Variants in ALDH1A2 observed in about 807,000 individuals in gnomAD.
ALDH1A2 encodes retinal dehydrogenase 2.
A neutral mutation model predicts 60.3 loss-of-function variants in ALDH1A2; 27 were observed. The observed-to-expected ratio is 0.45, with a 90% confidence interval of 0.33 to 0.62. The LOEUF (loss-of-function observed/expected upper bound fraction) is 0.62. Ranked by LOEUF, ALDH1A2 falls within the 20% of genes least tolerant of loss-of-function variation. The pLI is 0.02. For synonymous variants in ALDH1A2, 289 were observed against 232.4 expected (o/e 1.24, Z -2.21); for missense variants, 581 against 643.8 (o/e 0.90, Z 1.06).
At chr15:58,010,571 G>A (rs1347965936) in intron 4 of ALDH1A2, 78 bp downstream of exon 4, 2 of 1,576,616 alleles carry the variant, frequency 1.3e-6, no homozygotes, top group South Asian at 1.1e-5. Flanking sequence ...CTGTGTGACT[G>A]CTGTTTGTGT....
At chr15:58,058,550 T>C (rs202135358) in intron 1 of ALDH1A2, among the ~76,000 whole-genome samples, 1 of 150,036 alleles carries the variant, frequency 6.7e-6, no homozygotes, top group Admixed American at 6.6e-5. Flanking sequence ...TAATGTAAAA[T>C]AAAATATATT....
intron 9 of ALDH1A2, among the ~76,000 whole-genome samples, chr15:57,962,623 T>C (rs1313177215): frequency 2.6e-5 from 4 of 152,194 alleles, no homozygotes; most frequent in African/African-American, 9.7e-5. Context: ...GGTTTGTTTT[T>C]AAAGGAATTC....
At chr15:57,967,301 T>G (rs1483521256) in intron 7 of ALDH1A2, among the ~76,000 whole-genome samples, 1 of 152,152 alleles carries the variant, frequency 6.6e-6, no homozygotes, top group Non-Finnish European at 1.5e-5. Context: ...CAGAATTATA[T>G]TTTGAGGATT....
chr15:57,971,843 C>T (rs1171200701), intron 7 of ALDH1A2, among the ~76,000 whole-genome samples: 3 of 152,198 alleles, frequency 2.0e-5, no homozygotes, highest in Non-Finnish European at 2.9e-5. Flanking sequence ...CGCCATTCAG[C>T]CCCTTGAATA....
intron 7 of ALDH1A2, among the ~76,000 whole-genome samples, chr15:57,972,078 CATT>C (rs1894088005): frequency 6.6e-6 from 1 of 152,082 alleles, no homozygotes; most frequent in African/African-American, 2.4e-5. Context: ...TTTTCACAAA[CATT>C]ATTTTATTTA....
At chr15:58,020,795 G>A (rs1389356685) in intron 1 of ALDH1A2, among the ~76,000 whole-genome samples, 1 of 152,076 alleles carries the variant, frequency 6.6e-6, no homozygotes, top group African/African-American at 2.4e-5. Context: ...GGATCATCTT[G>A]ATTGTCATTA....
At chr15:58,022,722 T>G (rs1895964664) in intron 1 of ALDH1A2, among the ~76,000 whole-genome samples, 1 of 152,102 alleles carries the variant, frequency 6.6e-6, no homozygotes, top group African/African-American at 2.4e-5. Flanking sequence ...CACTATAACT[T>G]ACCAAGGAAA....
chr15:58,045,067 C>T (rs1337838943), intron 1 of ALDH1A2, among the ~76,000 whole-genome samples: 1 of 151,882 alleles, frequency 6.6e-6, no homozygotes, highest in Non-Finnish European at 1.5e-5. Flanking sequence ...ACAAACAACC[C>T]CATTAAAAAG....
chr15:57,989,999 CAAAAAA>C (rs1229267241), intron 7 of ALDH1A2, among the ~76,000 whole-genome samples: 2 of 25,432 alleles, frequency 7.9e-5, no homozygotes, highest in African/African-American at 1.2e-4. Flanking sequence ...GACTCCGTCT[CAAAAAA>C]AAAAAAAAAA....
Position 57,996,503 on chromosome 15 carries a change from C to CTT in ALDH1A2, c.494-1366_494-1365dup, listed in dbSNP as rs76510714. 2.7e-3 allele frequency among the ~76,000 whole-genome samples: 384 copies of CTT among 139,658 alleles called. 4 individuals carry two copies. The South Asian group carries it at 0.028, about 10-fold the overall frequency. 91.6% of individuals were successfully genotyped at this position (139,658 alleles called of 152,430 possible). A position where few individuals can be genotyped will look rare whatever the true frequency, so the allele number is the denominator to read the frequency against. The stretch of plus-strand genomic sequence containing the variant: ...AGTCTTTTATATTTTGTTTTTCCCT[C>CTT]TTTTTTTTTTTTTTCCTGTAAAGCT... On this transcript the variant is annotated intron_variant, in intron 4 of 12. Transcript: ENST00000249750.
At position 57,993,331 on chromosome 15, in the gene ALDH1A2, T is replaced by C. The variant is rs907225591; in HGVS notation, c.556-258A>G. On this transcript the variant is annotated intron_variant, in intron 5 of 12. Coordinates refer to ENST00000249750, the MANE Select transcript of ALDH1A2 (RefSeq NM_003888.4). Reference sequence around the variant, plus strand: ...AAGAAATCCCACTGTGAAAAGGGAGTTTTGTTACTTCTTTGTTTTGTTTTG... The same window carrying C: ...AAGAAATCCCACTGTGAAAAGGGAGCTTTGTTACTTCTTTGTTTTGTTTTG... Among the ~76,000 whole-genome samples, 3 of 152,116 alleles carry C rather than the reference T, an allele frequency of 2.0e-5. 1 individual carries two copies. In the South Asian group the frequency reaches 6.2e-4, roughly 32 times the overall value.
intron 1 of ALDH1A2, among the ~76,000 whole-genome samples, chr15:58,031,066 C>T (rs1896227185): frequency 6.6e-6 from 1 of 152,136 alleles, no homozygotes; most frequent in Non-Finnish European, 1.5e-5. Context: ...CCCGCAAAGC[C>T]ACTACGATCC....
At chr15:58,038,303 G>A (rs1250113948) in intron 1 of ALDH1A2, among the ~76,000 whole-genome samples, 1 of 151,650 alleles carries the variant, frequency 6.6e-6, no homozygotes, top group African/African-American at 2.4e-5. Context: ...TCTAGGAGAT[G>A]ATCCAAGGAG....
intron 4 of ALDH1A2, among the ~76,000 whole-genome samples, chr15:58,004,329 A>G (rs541492109): frequency 2.0e-5 from 3 of 151,848 alleles, no homozygotes; most frequent in African/African-American, 4.8e-5. Flanking sequence ...CTAAAATGCA[A>G]TTTTTCAAAT....
intron 1 of ALDH1A2, among the ~76,000 whole-genome samples, chr15:58,058,674 T>C (rs1267015396): frequency 6.6e-6 from 1 of 152,148 alleles, no homozygotes; most frequent in African/African-American, 2.4e-5. Context: ...CAGTTTGACC[T>C]AAACAAAAGC....
chr15:57,983,418 T>A (rs1894582710), intron 7 of ALDH1A2, among the ~76,000 whole-genome samples: 1 of 152,172 alleles, frequency 6.6e-6, no homozygotes, highest in Non-Finnish European at 1.5e-5. Context: ...TACAGTTCCA[T>A]TTTCTCCAAA....
In ALDH1A2 at chr15:58,003,982, G is replaced by C. The variant is rs79644837; in HGVS notation, c.493+6667C>G. On this transcript the variant is annotated intron_variant, in intron 4 of 12. Coordinates refer to ENST00000249750, the MANE Select transcript of ALDH1A2 (RefSeq NM_003888.4). ...TAAAGGAAACAACATCAAGACTCTT[G>C]TGAATCAAACTAGTATTGCATAATT... Among the ~76,000 whole-genome samples, 2 of 152,000 alleles carry C rather than the reference G, an allele frequency of 1.3e-5. 1 individual carries two copies. The highest frequency in any genetic ancestry group is 2.9e-5 in the Non-Finnish European group (2 of 67,864).
intron 7 of ALDH1A2, among the ~76,000 whole-genome samples, chr15:57,984,199 T>A (rs1242276243): frequency 2.0e-5 from 3 of 152,188 alleles, no homozygotes; most frequent in African/African-American, 7.2e-5. Context: ...GGGCAGGTAA[T>A]GTAACCCCTC....
chr15:58,061,638 G>GAAAAAAAAAAAAAAAA (rs1897042185), intron 1 of ALDH1A2, among the ~76,000 whole-genome samples: 1 of 96,140 alleles, frequency 1.0e-5, no homozygotes, highest in Non-Finnish European at 2.6e-5. Context: ...GGAACAAAAC[G>GAAAAAAAAAAAAAAAA]ATGAAAAAAC....
Sources: allele counts gnomAD v4.1 joint callset (sites outside exome capture counted in the v4.1 genomes callset), GRCh38; gene constraint gnomAD v4.1.1; transcripts MANE v1.5; gene names NCBI Gene and HGNC (gene_info 2026-07-23, HGNC 2026-07-21).